MYOC: variants seen among roughly 807,000 people sequenced by gnomAD.
MYOC encodes the protein myocilin, also known as juvenile-onset open-angle glaucoma 1.
Under a neutral mutation model 28.2 loss-of-function variants are expected in MYOC, and 29 were observed. That is an observed-to-expected ratio of 1.03 (90% confidence interval 0.77 to 1.40). The LOEUF is 1.40. MYOC is among the 40% of genes most tolerant of loss of function. The pLI is 0.00. For missense variants in MYOC, 569 were observed against 620.6 expected (o/e 0.92, Z 0.88); for synonymous variants, 240 against 245.6 (o/e 0.98, Z 0.21).
At chr1:171,650,682 T>G (rs1653332748) in intron 1 of MYOC, among the ~76,000 whole-genome samples, 1 of 152,122 alleles carries the variant, frequency 6.6e-6, no homozygotes, top group Non-Finnish European at 1.5e-5. Flanking sequence ...AGGAAATATT[T>G]TCTCATAATT....
Position 171,639,652 on chromosome 1 carries a change from C to CA in MYOC, c.605-931dup, listed in dbSNP as rs3980587. Among the ~76,000 whole-genome samples the CA allele has an allele frequency of 1.2e-3, 143 of 115,302 alleles. 6 individuals carry two copies. The highest frequency in any genetic ancestry group is 2.6e-3 in the African/African-American group (75 of 28,674). The allele number at this position is 115,302 out of a possible 152,430, so 75.6% of individuals were successfully genotyped here. On this transcript the variant is annotated intron_variant, in intron 1 of 2. Transcript: ENST00000037502. ...AGAGCAAGGCCCGGTCTCAAGGTCT[C>CA]AAAAAAAAAAAAAAAGAGACCGGGC...
chr1:171,652,657 A>G lies in MYOC; in HGVS notation c.-46T>C. 3.1e-6 allele frequency: 5 copies of G among 1,612,058 alleles called. No homozygotes were observed. Among genetic ancestry groups the G allele is most frequent in the Non-Finnish European group, 4.2e-6 (5 of 1,179,844 alleles). On this transcript the variant is annotated 5_prime_UTR_variant, in exon 1 of 3. Coordinates refer to ENST00000037502, the MANE Select transcript of MYOC (RefSeq NM_000261.2). ...TCCTCTGGAAAGCTCTGCTGTGCTG[A>G]GAGGTGCCTGGATGGGTGGCCTTGC...
intron 1 of MYOC, among the ~76,000 whole-genome samples, chr1:171,647,646 G>A (rs2102949288): frequency 6.6e-6 from 1 of 152,318 alleles, no homozygotes; most frequent in East Asian, 1.9e-4. Flanking sequence ...TTCCCTGTGT[G>A]ACTGCTAATT....
chr1:171,649,139 A>T (rs142023869), intron 1 of MYOC, among the ~76,000 whole-genome samples: 1 of 152,310 alleles, frequency 6.6e-6, no homozygotes, highest in East Asian at 1.9e-4. Flanking sequence ...TATTATGTGT[A>T]TGTATAAACA....
At chr1:171,645,494 C>T (rs1488197228) in intron 1 of MYOC, among the ~76,000 whole-genome samples, 1 of 152,206 alleles carries the variant, frequency 6.6e-6, no homozygotes, top group Non-Finnish European at 1.5e-5. Context: ...CTTCCCCTTC[C>T]AAGCTTGTCC....
At chr1:171,648,518 G>T (rs984284451) in intron 1 of MYOC, among the ~76,000 whole-genome samples, 5 of 151,922 alleles carry the variant, frequency 3.3e-5, no homozygotes, top group Non-Finnish European at 5.9e-5. Context: ...TCCAGGCTCT[G>T]TTCAACAGGA....
At chr1:171,649,736 A>T (rs235914) in intron 1 of MYOC, among the ~76,000 whole-genome samples, 1 of 151,894 alleles carries the variant, frequency 6.6e-6, no homozygotes, top group Non-Finnish European at 1.5e-5. Context: ...CAGAGGTTTC[A>T]GTGAGCCAAG....
In MYOC at chr1:171,639,652, C is replaced by CAA. The variant is rs3980587; in HGVS notation, c.605-932_605-931dup. ...AGAGCAAGGCCCGGTCTCAAGGTCT[C>CAA]AAAAAAAAAAAAAAAGAGACCGGGC... On this transcript the variant is annotated intron_variant, in intron 1 of 2. Transcript: ENST00000037502. Among the ~76,000 whole-genome samples the CAA allele has an allele frequency of 1.2e-4, 14 of 115,300 alleles. 3 individuals carry two copies. Among genetic ancestry groups the CAA allele is most frequent in the Admixed American group, 2.8e-4 (3 of 10,688 alleles). 75.6% of individuals were successfully genotyped at this position (115,300 alleles called of 152,430 possible).
chr1:171,650,034 G>A (rs1413421281), intron 1 of MYOC, among the ~76,000 whole-genome samples: 1 of 152,096 alleles, frequency 6.6e-6, no homozygotes, highest in Non-Finnish European at 1.5e-5. Context: ...GAACTTCCAT[G>A]TTTGGTGTTC....
rs764942545 is a variant in MYOC, at chr1:171,636,416, T to C, written c.1024A>G (p.Arg342Gly). Residue 342 changes from arginine to glycine, a missense_variant, in exon 3 of 3, where the codon AGA becomes GGA. Physicochemically the swap from Arg to Gly is moderately radical, Grantham distance 125. Transcript: ENST00000037502. ...GSLYFQGAES[R>G]TVIRYELNTE... ...TTCAGCTCATATCTTATGACAGTTC[T>C]GGACTCAGCGCCCTGGAAATAGAGG... The C allele has an allele frequency of 6.2e-7, 1 of 1,614,162 alleles. No homozygotes were observed. The highest frequency in any genetic ancestry group is 2.2e-5 in the East Asian group (1 of 44,886).
intron 1 of MYOC, among the ~76,000 whole-genome samples, chr1:171,651,800 G>A (rs540075467): frequency 6.6e-6 from 1 of 152,296 alleles, no homozygotes; most frequent in Admixed American, 6.5e-5. Context: ...CAAGAACTCT[G>A]AACCACTAAT....
intron 1 of MYOC, 141 bp downstream of exon 1, chr1:171,651,867 C>T: frequency 8.1e-7 from 1 of 1,230,940 alleles, no homozygotes; most frequent in Non-Finnish European, 1.2e-6. Flanking sequence ...GATCGCTGTG[C>T]TTTCCTTAAT....
At chr1:171,646,330 C>G (rs939421949) in intron 1 of MYOC, among the ~76,000 whole-genome samples, 1 of 152,016 alleles carries the variant, frequency 6.6e-6, no homozygotes, top group African/African-American at 2.4e-5. Flanking sequence ...ATGAAATGGC[C>G]CTCAATAAAG....
intron 1 of MYOC, among the ~76,000 whole-genome samples, chr1:171,650,938 C>T (rs559737971): frequency 5.9e-5 from 9 of 152,204 alleles, no homozygotes; most frequent in Admixed American, 2.0e-4. Context: ...TTTTATCCTT[C>T]GCAACCACAG....
chr1:171,649,184 C>A (rs1653293123), intron 1 of MYOC, among the ~76,000 whole-genome samples: 1 of 151,934 alleles, frequency 6.6e-6, no homozygotes, highest in South Asian at 2.1e-4. Flanking sequence ...TTTTTTTCTA[C>A]ATAACAACTA....
chr1:171,642,883 A>T (rs1488746578), intron 1 of MYOC, among the ~76,000 whole-genome samples: 1 of 72,018 alleles, frequency 1.4e-5, no homozygotes, highest in Admixed American at 1.4e-4. Flanking sequence ...AGGCTAGTCT[A>T]TGTTTAAAAA....
chr1:171,635,870 C>T lies in MYOC; in HGVS notation c.*55G>A, dbSNP rs763262688. 1.1e-5 allele frequency: 18 copies of T among 1,596,528 alleles called. No homozygotes were observed. Among genetic ancestry groups the T allele is most frequent in the Non-Finnish European group, 1.5e-5 (18 of 1,168,900 alleles). On this transcript the variant is annotated 3_prime_UTR_variant, in exon 3 of 3. Coordinates refer to ENST00000037502, the MANE Select transcript of MYOC (RefSeq NM_000261.2). ...GCTGGCTCTCCCTTCAGCCTGCTCC[C>T]CCCAGGAGCCCTGAGCATCTCCTTC...
chr1:171,638,171 A>C (rs987735643), intron 2 of MYOC, among the ~76,000 whole-genome samples: 12 of 152,246 alleles, frequency 7.9e-5, no homozygotes, highest in African/African-American at 2.9e-4. Context: ...CAAAGTTCAG[A>C]AAACATACTG....
At chr1:171,650,928 T>C (rs907462256) in intron 1 of MYOC, among the ~76,000 whole-genome samples, 1 of 152,170 alleles carries the variant, frequency 6.6e-6, no homozygotes, top group Admixed American at 6.5e-5. Flanking sequence ...AGAACAAAGA[T>C]TTTATCCTTC....
Sources: gnomAD v4.1 joint callset for allele counts (sites outside exome capture counted in the v4.1 genomes callset) on GRCh38, gnomAD v4.1.1 for gene constraint, MANE v1.5 for transcripts, NCBI Gene and HGNC (gene_info 2026-07-23, HGNC 2026-07-21) for gene names.